DPP10: variants seen among roughly 807,000 people sequenced by gnomAD.
DPP10 encodes the protein inactive dipeptidyl peptidase 10.
Under a neutral mutation model 120.9 loss-of-function variants are expected in DPP10, and 33 were observed. The ratio of observed to expected loss-of-function variants is 0.27; its 90% CI spans 0.21 to 0.37. The LOEUF is 0.37. Ranked by LOEUF, DPP10 falls within the 10% of genes least tolerant of loss-of-function variation. The pLI is 1.00. For synonymous variants in DPP10, 337 were observed against 326.1 expected, an observed-to-expected ratio of 1.03 and a Z score of -0.36; for missense variants, 816 against 942.8, an observed-to-expected ratio of 0.87 and a Z score of 1.76.
At chr2:114,446,280 T>C (rs1206055011) in intron 1 of DPP10, among the ~76,000 whole-genome samples, 1 of 152,228 alleles carries the variant, frequency 6.6e-6, no homozygotes, top group Non-Finnish European at 1.5e-5. Flanking sequence ...GAATTTTGCC[T>C]CTAAAATGTG....
chr2:115,481,617 A>G (rs2075433950), intron 3 of DPP10, among the ~76,000 whole-genome samples: 1 of 152,046 alleles, frequency 6.6e-6, no homozygotes, highest in Admixed American at 6.6e-5. Flanking sequence ...TCTACAAAAC[A>G]TTTTGGAGCC....
intron 1 of DPP10, chr2:115,162,395 C>A: frequency 2.3e-6 from 3 of 1,291,164 alleles, no homozygotes; most frequent in Non-Finnish European, 3.1e-6. Context: ...AAATCTGCTG[C>A]GCTCCTGACG....
At chr2:115,352,344 T>A (rs531961315) in intron 3 of DPP10, among the ~76,000 whole-genome samples, 1 of 152,194 alleles carries the variant, frequency 6.6e-6, no homozygotes, top group Non-Finnish European at 1.5e-5. Context: ...ATATATGTGC[T>A]CTGCACAGAG....
chr2:115,440,842 T>G (rs181948202), intron 3 of DPP10: 3 of 152,298 alleles, frequency 2.0e-5, no homozygotes, highest in Non-Finnish European at 4.4e-5. Context: ...ATGTTTTCTC[T>G]CTTTAAGAAA....
chr2:114,815,168 G>A (rs1685522229), intron 1 of DPP10, among the ~76,000 whole-genome samples: 1 of 152,156 alleles, frequency 6.6e-6, no homozygotes, highest in Non-Finnish European at 1.5e-5. Flanking sequence ...AGTCTCATGT[G>A]GGCATTTTCA....
chr2:114,700,667 G>A (rs752763055), intron 1 of DPP10, among the ~76,000 whole-genome samples: 4 of 152,028 alleles, frequency 2.6e-5, no homozygotes, highest in African/African-American at 4.8e-5. Flanking sequence ...TGCCTGGTAA[G>A]CCTTAACTCT....
At position 115,836,025 on chromosome 2, in the gene DPP10, T is replaced by C. The variant is rs983806747; in HGVS notation, c.1951-132T>C. ...AAGCCTGAGACATTCTGATATGATG[T>C]ACAGTACCAAACATTGATCAAAAGC... is the stretch of plus-strand genomic sequence containing the variant. On this transcript the variant is annotated intron_variant, in intron 21 of 25. Coordinates refer to ENST00000410059, the MANE Select transcript of DPP10 (RefSeq NM_020868.6). 9 of 431,220 alleles carry C rather than the reference T, an allele frequency of 2.1e-5. No homozygotes were observed. In the East Asian group the frequency reaches 3.6e-4, roughly 17 times the overall value. 26.7% of individuals were successfully genotyped at this position (431,220 alleles called of 1,614,324 possible).
At chr2:115,761,561 A>C (rs1253957166) in intron 11 of DPP10, among the ~76,000 whole-genome samples, 4 of 152,128 alleles carry the variant, frequency 2.6e-5, no homozygotes, top group African/African-American at 9.7e-5. Context: ...ACTAACAAGC[A>C]GTGGCATTGG....
At chr2:114,827,581 C>T (rs1419024341) in intron 1 of DPP10, among the ~76,000 whole-genome samples, 1 of 152,010 alleles carries the variant, frequency 6.6e-6, no homozygotes, top group East Asian at 1.9e-4. Flanking sequence ...TCTCTTTGAG[C>T]CACTTTTTTG....
chr2:115,178,564 GAA>G (rs1461452980), intron 1 of DPP10, among the ~76,000 whole-genome samples: 1 of 152,096 alleles, frequency 6.6e-6, no homozygotes, highest in Non-Finnish European at 1.5e-5. Context: ...ATTTAATAAA[GAA>G]AATAAATTGA....
chr2:115,779,554 A>G (rs904239572), intron 15 of DPP10, among the ~76,000 whole-genome samples: 1 of 152,066 alleles, frequency 6.6e-6, no homozygotes, highest in African/African-American at 2.4e-5. Flanking sequence ...AAAATACCAC[A>G]TAAATCTCCA....
chr2:115,405,134 T>C (rs2104523456), intron 3 of DPP10, among the ~76,000 whole-genome samples: 1 of 152,276 alleles, frequency 6.6e-6, no homozygotes, highest in Admixed American at 6.5e-5. Context: ...CAAGGCAAAG[T>C]CCTTCCAGCT....
intron 1 of DPP10, among the ~76,000 whole-genome samples, chr2:114,541,699 T>C (rs1300620590): frequency 1.3e-5 from 2 of 152,172 alleles, no homozygotes; most frequent in Non-Finnish European, 2.9e-5. Flanking sequence ...CCAAAGCACA[T>C]TGACAGAAAG....
At chr2:114,565,542 C>T (rs1385074287) in intron 1 of DPP10, among the ~76,000 whole-genome samples, 3 of 152,344 alleles carry the variant, frequency 2.0e-5, no homozygotes, top group Admixed American at 6.5e-5. Flanking sequence ...CATTTCTCCT[C>T]TGTACTTCGC....
At chr2:115,565,114 A>G (rs1287471006) in intron 5 of DPP10, among the ~76,000 whole-genome samples, 1 of 152,196 alleles carries the variant, frequency 6.6e-6, no homozygotes, top group African/African-American at 2.4e-5. Context: ...AGCAGAAGTT[A>G]GCAAACACTG....
At chr2:114,962,928 A>G (rs1698754469) in intron 1 of DPP10, among the ~76,000 whole-genome samples, 1 of 152,224 alleles carries the variant, frequency 6.6e-6, no homozygotes, top group Non-Finnish European at 1.5e-5. Flanking sequence ...GATTTATATT[A>G]TCTTCAGTAA....
intron 1 of DPP10, among the ~76,000 whole-genome samples, chr2:115,000,131 G>T (rs1574665379): frequency 2.0e-5 from 3 of 149,630 alleles, no homozygotes; most frequent in African/African-American, 7.4e-5. Context: ...ACATTTATGG[G>T]GTTTTTTTTC....
intron 2 of DPP10, among the ~76,000 whole-genome samples, chr2:115,334,396 T>C (rs1438430357): frequency 6.6e-6 from 1 of 151,454 alleles, no homozygotes; most frequent in Non-Finnish European, 1.5e-5. Context: ...GACTTTTCCT[T>C]TTTGGCTTTT....
intron 1 of DPP10, among the ~76,000 whole-genome samples, chr2:115,133,047 C>T (rs887259951): frequency 6.8e-6 from 1 of 147,640 alleles, no homozygotes; most frequent in African/African-American, 2.5e-5. Flanking sequence ...AGAATTATTC[C>T]AGGGGGTTAT....
Sources: gnomAD v4.1 joint callset for allele counts (sites outside exome capture counted in the v4.1 genomes callset) on GRCh38, gnomAD v4.1.1 for gene constraint, MANE v1.5 for transcripts, NCBI Gene and HGNC (gene_info 2026-07-23, HGNC 2026-07-21) for gene names.